USP49: variants seen among roughly 807,000 people sequenced by gnomAD.
The protein encoded by USP49 is ubiquitin specific peptidase 49.
A neutral mutation model predicts 58.6 loss-of-function variants in USP49; 24 were observed. The ratio of observed to expected loss-of-function variants is 0.41; its 90% CI spans 0.30 to 0.58. The LOEUF (loss-of-function observed/expected upper bound fraction) is 0.58. Among genes scored for constraint, USP49 ranks in the 20% least tolerant of loss-of-function variants. The pLI is 0.30. For missense variants in USP49, 703 were observed against 866.1 expected (o/e 0.81, Z 2.36); for synonymous variants, 408 against 365.1 (o/e 1.12, Z -1.34).
chr6:41,808,443 C>G (rs1773183094), intron 3 of USP49, among the ~76,000 whole-genome samples: 1 of 143,048 alleles, frequency 7.0e-6, no homozygotes, highest in South Asian at 2.2e-4. Context: ...TGGAGTCTCG[C>G]TCTGTCACCA....
intron 3 of USP49, among the ~76,000 whole-genome samples, chr6:41,854,947 A>G (rs1456216484): frequency 6.6e-6 from 1 of 151,640 alleles, no homozygotes; most frequent in East Asian, 2.0e-4. Flanking sequence ...TAATTTTTAT[A>G]TTTTTTGGTA....
chr6:41,823,784 T>C (rs1773490273), intron 3 of USP49, among the ~76,000 whole-genome samples: 1 of 152,096 alleles, frequency 6.6e-6, no homozygotes, highest in African/African-American at 2.4e-5. Flanking sequence ...ACTGGTAATC[T>C]CTCTCAATAT....
intron 2 of USP49, among the ~76,000 whole-genome samples, chr6:41,873,426 G>A (rs933447780): frequency 1.3e-5 from 2 of 152,194 alleles, no homozygotes; most frequent in Non-Finnish European, 2.9e-5. Context: ...GGAGGCAGAA[G>A]AGGTTACAAG....
At chr6:41,887,639 A>G (rs1386090175) in intron 2 of USP49, among the ~76,000 whole-genome samples, 1 of 152,180 alleles carries the variant, frequency 6.6e-6, no homozygotes, top group African/African-American at 2.4e-5. Context: ...AGAAAAATAA[A>G]TTTTATCCCT....
chr6:41,854,171 C>G (rs1774085417), intron 3 of USP49, among the ~76,000 whole-genome samples: 1 of 150,150 alleles, frequency 6.7e-6, no homozygotes, highest in African/African-American at 2.5e-5. Context: ...ACAAAAAATA[C>G]CTGGGTGTGG....
At chr6:41,838,428 G>A (rs555185704) in intron 3 of USP49, among the ~76,000 whole-genome samples, 1 of 152,350 alleles carries the variant, frequency 6.6e-6, no homozygotes, top group Admixed American at 6.5e-5. Flanking sequence ...GAGACCTGAA[G>A]AGGAATCTAT....
intron 3 of USP49, among the ~76,000 whole-genome samples, chr6:41,824,176 G>GT (rs1343709710): frequency 2.0e-5 from 3 of 152,090 alleles, no homozygotes; most frequent in Non-Finnish European, 4.4e-5. Context: ...GCATCTTACA[G>GT]TAACTGAGTC....
intron 3 of USP49, among the ~76,000 whole-genome samples, chr6:41,852,813 G>A (rs1173473925): frequency 6.6e-6 from 1 of 152,094 alleles, no homozygotes; most frequent in African/African-American, 2.4e-5. Flanking sequence ...AGAAGTGGAG[G>A]CAACCAAAAT....
At chr6:41,889,087 C>T (rs879682708) in intron 2 of USP49, among the ~76,000 whole-genome samples, 39 of 151,648 alleles carry the variant, frequency 2.6e-4, no homozygotes, top group Admixed American at 2.6e-4. Flanking sequence ...GGCTGGAGTG[C>T]AGTGGCTTGA....
rs1375340861 is a variant in USP49 at position 41,803,656 on chromosome 6, GA to G, written c.1561+149del. ...AACAAGTCCATGTTTTTTGTTTTTA[GA>G]AAAATGGGAGAAAAAGATCTTTAAA... On this transcript the variant is annotated intron_variant, in intron 5 of 7. Coordinates refer to ENST00000682992, the MANE Select transcript of USP49 (RefSeq NM_001286554.2). The surrounding 1 kb of genome is among the most constrained non-coding windows in gnomAD (Gnocchi z 4.1). 4 of 939,008 alleles carry G rather than the reference GA, an allele frequency of 4.3e-6. No individual in the cohort carries two copies. Among genetic ancestry groups the G allele is most frequent in the Non-Finnish European group, 4.7e-6 (3 of 633,352 alleles). 58.2% of individuals were successfully genotyped at this position (939,008 alleles called of 1,614,324 possible).
At chr6:41,810,849 G>A (rs1056202794) in intron 3 of USP49, among the ~76,000 whole-genome samples, 3 of 152,032 alleles carry the variant, frequency 2.0e-5, no homozygotes, top group South Asian at 2.1e-4. Flanking sequence ...GTGAGCCACC[G>A]TGCCCGGCCG....
rs1772813634 is a variant in USP49, at chr6:41,792,401, G to A, written c.*4132C>T. ...TATATGTTGCCCAGCATTAGTCATT[G>A]TTTTGATAAAGACTAAAAGGCCTTT... On this transcript the variant is annotated 3_prime_UTR_variant, in exon 8 of 8. Coordinates refer to ENST00000682992, the MANE Select transcript of USP49 (RefSeq NM_001286554.2). 1 of 152,186 alleles carries A rather than the reference G, an allele frequency of 6.6e-6. No homozygotes were observed. The highest frequency in any genetic ancestry group is 1.5e-5 in the Non-Finnish European group (1 of 68,036). 9.4% of individuals were successfully genotyped at this position (152,186 alleles called of 1,614,324 possible). A position where few individuals can be genotyped will look rare whatever the true frequency, so the allele number is the denominator to read the frequency against.
chr6:41,841,956 C>T (rs1002217726), intron 3 of USP49, among the ~76,000 whole-genome samples: 3 of 152,054 alleles, frequency 2.0e-5, no homozygotes, highest in Non-Finnish European at 4.4e-5. Context: ...ACTCAGGAGG[C>T]TGAGGCAGGA....
chr6:41,826,256 G>A (rs1166982054), intron 3 of USP49, among the ~76,000 whole-genome samples: 1 of 152,080 alleles, frequency 6.6e-6, no homozygotes, highest in Non-Finnish European at 1.5e-5. Context: ...GACAGAGCAA[G>A]TGAGACCCCA....
rs112819992 is a variant in USP49 at position 41,869,845 on chromosome 6, T to C, written c.-29+1719A>G. ...TGTAGCCTGCTTTACAAGATACTTTTACAGGCAAGATGAACCTATGTTAGG... is the reference window on the plus strand; with the variant it reads ...TGTAGCCTGCTTTACAAGATACTTTCACAGGCAAGATGAACCTATGTTAGG... On this transcript the variant is annotated intron_variant, in intron 3 of 7. Transcript: ENST00000682992. The C allele has an allele frequency of 2.0e-5, 3 of 152,350 alleles. 1 individual carries two copies. Among genetic ancestry groups the C allele is most frequent in the African/African-American group, 7.2e-5 (3 of 41,584 alleles). The allele number at this position is 152,350 out of a possible 1,614,324, so 9.4% of individuals were successfully genotyped here.
At position 41,799,230 on chromosome 6, in the gene USP49, C is replaced by T. The variant is rs138124842; in HGVS notation, c.1671-301G>A. On this transcript the variant is annotated intron_variant, in intron 6 of 7. Transcript: ENST00000682992. ...AGGTGATCCCCCCACCTCAGCCTCC[C>T]GAGTAGGTGGGACTATAGGTGCACA... 5.3e-5 allele frequency among the ~76,000 whole-genome samples: 8 copies of T among 152,174 alleles called. 1 individual carries two copies. Among genetic ancestry groups the T allele is most frequent in the Admixed American group, 3.3e-4 (5 of 15,268 alleles).
At chr6:41,845,164 G>C (rs570462231) in intron 3 of USP49, among the ~76,000 whole-genome samples, 2 of 152,170 alleles carry the variant, frequency 1.3e-5, no homozygotes, top group East Asian at 1.9e-4. Context: ...GCCTCCCAAA[G>C]TGCTGGGATA....
Position 41,796,310 on chromosome 6 carries a change from G to A in USP49, c.*223C>T. The stretch of plus-strand genomic sequence containing the variant: ...AGCAACTGATGAAAGGATCTTCATA[G>A]AAGTTACTTCTTTTGTTTTTAGGAA... On this transcript the variant is annotated 3_prime_UTR_variant, in exon 8 of 8. Coordinates refer to ENST00000682992, the MANE Select transcript of USP49 (RefSeq NM_001286554.2). 4.2e-6 allele frequency: 2 copies of A among 473,852 alleles called. No individual in the cohort carries two copies. Among genetic ancestry groups the A allele is most frequent in the Non-Finnish European group, 7.6e-6 (2 of 264,718 alleles). The allele number at this position is 473,852 out of a possible 1,614,324, so 29.4% of individuals were successfully genotyped here.
At chr6:41,881,086 C>T (rs1047632241) in intron 2 of USP49, among the ~76,000 whole-genome samples, 2 of 151,694 alleles carry the variant, frequency 1.3e-5, no homozygotes, top group African/African-American at 4.8e-5. Context: ...GCGCCTGCCA[C>T]CACACCTGGA....
Sources: allele counts gnomAD v4.1 joint callset (sites outside exome capture counted in the v4.1 genomes callset), GRCh38; gene constraint gnomAD v4.1.1; non-coding constraint Gnocchi (gnomAD v3.1); transcripts MANE v1.5; gene names NCBI Gene and HGNC (gene_info 2026-07-23, HGNC 2026-07-21).